CTNNA2: variants seen among roughly 807,000 people sequenced by gnomAD.
CTNNA2 encodes catenin alpha 2.
In CTNNA2, 42 loss-of-function variants were observed where a neutral mutation model predicts 101.0. The observed-to-expected ratio is 0.42, with a 90% confidence interval of 0.32 to 0.54. The LOEUF (loss-of-function observed/expected upper bound fraction) is 0.54, where lower values mean the gene tolerates loss of function less well. Among genes scored for constraint, CTNNA2 ranks in the 20% least tolerant of loss-of-function variants. The probability of loss-of-function intolerance (pLI) is 0.14; values close to 1 mark genes in which losing one functional copy is unlikely to be tolerated. For synonymous variants in CTNNA2, 450 were observed against 456.4 expected, an observed-to-expected ratio of 0.99 and a Z score of 0.18; for missense variants, 871 against 1,223.1, an observed-to-expected ratio of 0.71 and a Z score of 4.29.
intron 4 of CTNNA2, among the ~76,000 whole-genome samples, chr2:79,443,679 T>G (rs1450654005): frequency 2.6e-5 from 4 of 152,074 alleles, no homozygotes; most frequent in Non-Finnish European, 5.9e-5. Context: ...ACAGTTATTT[T>G]CAGACTTATA....
At chr2:79,503,009 G>C (rs940603859) in intron 4 of CTNNA2, among the ~76,000 whole-genome samples, 1 of 152,162 alleles carries the variant, frequency 6.6e-6, no homozygotes, top group Admixed American at 6.5e-5. Context: ...CATCCTTGCT[G>C]TGTGCAGGCA....
intron 2 of CTNNA2, among the ~76,000 whole-genome samples, chr2:79,699,911 T>A (rs1422558201): frequency 6.7e-6 from 1 of 148,286 alleles, no homozygotes; most frequent in Non-Finnish European, 1.5e-5. Context: ...TATACCTATG[T>A]GTGTATATAT....
intron 14 of CTNNA2, among the ~76,000 whole-genome samples, chr2:80,585,148 G>A (rs1431327834): frequency 6.6e-6 from 1 of 152,080 alleles, no homozygotes; most frequent in Non-Finnish European, 1.5e-5. Flanking sequence ...TCAGTTTGGG[G>A]ACCCATAGAC....
chr2:80,644,455 G>A (rs970942788), intron 18 of CTNNA2, among the ~76,000 whole-genome samples: 5 of 152,104 alleles, frequency 3.3e-5, no homozygotes, highest in African/African-American at 1.2e-4. Context: ...AAAAACTGTT[G>A]CCATGCAGCT....
intron 1 of CTNNA2, among the ~76,000 whole-genome samples, chr2:79,646,136 A>G (rs1326015032): frequency 6.6e-6 from 1 of 152,238 alleles, no homozygotes; most frequent in Non-Finnish European, 1.5e-5. Context: ...TAATTTAGAA[A>G]GGTGAGGCAG....
intron 14 of CTNNA2, 28 bp from the exon 15 acceptor site, chr2:80,589,276 A>T (rs912177424): frequency 6.2e-7 from 1 of 1,610,652 alleles, no homozygotes; most frequent in African/African-American, 1.3e-5. Context: ...TGTCACCGTC[A>T]CTCACGCTTT....
At chr2:80,053,937 C>T (rs1254095498) in intron 7 of CTNNA2, among the ~76,000 whole-genome samples, 1 of 152,170 alleles carries the variant, frequency 6.6e-6, no homozygotes, top group African/African-American at 2.4e-5. Flanking sequence ...GAATTGTAAT[C>T]AGTATCAATA....
At chr2:80,096,627 T>G (rs934970497) in intron 7 of CTNNA2, among the ~76,000 whole-genome samples, 16 of 152,260 alleles carry the variant, frequency 1.1e-4, no homozygotes, top group South Asian at 2.1e-4. Flanking sequence ...CCCATTATTA[T>G]TGTGTGGGAG....
intron 4 of CTNNA2, among the ~76,000 whole-genome samples, chr2:79,494,234 C>G (rs1398706760): frequency 6.6e-6 from 1 of 150,688 alleles, no homozygotes; most frequent in African/African-American, 2.4e-5. Context: ...CCAAACTTAT[C>G]TGCAGATTCA....
At chr2:80,190,419 C>T (rs1000457188) in intron 7 of CTNNA2, among the ~76,000 whole-genome samples, 1 of 152,156 alleles carries the variant, frequency 6.6e-6, no homozygotes, top group Non-Finnish European at 1.5e-5. Context: ...TCAGTTAACA[C>T]TTTCCCCGTA....
At chr2:79,881,894 CAT>C (rs1398461633) in intron 6 of CTNNA2, among the ~76,000 whole-genome samples, 1 of 149,694 alleles carries the variant, frequency 6.7e-6, no homozygotes, top group Non-Finnish European at 1.5e-5. Flanking sequence ...ACAGTTTCTT[CAT>C]AGAGTCGTTG....
At chr2:79,628,508 G>A (rs570386908) in intron 1 of CTNNA2, among the ~76,000 whole-genome samples, 246 of 151,872 alleles carry the variant, frequency 1.6e-3, no homozygotes, top group African/African-American at 5.4e-3. Flanking sequence ...GTAGAACAAC[G>A]AAATTTTTTC....
chr2:79,730,254 T>C (rs1430725284), intron 2 of CTNNA2, among the ~76,000 whole-genome samples: 1 of 152,108 alleles, frequency 6.6e-6, no homozygotes, highest in Non-Finnish European at 1.5e-5. Flanking sequence ...ACATGTGCTA[T>C]ATGTGTAATG....
chr2:79,552,994 G>A (rs1355278502), intron 1 of CTNNA2, among the ~76,000 whole-genome samples: 6 of 152,174 alleles, frequency 3.9e-5, no homozygotes, highest in Non-Finnish European at 8.8e-5. Context: ...TCTGCAGCTG[G>A]CTTGAATTCC....
chr2:79,673,660 A>T (rs1682995710), intron 2 of CTNNA2, among the ~76,000 whole-genome samples: 1 of 152,148 alleles, frequency 6.6e-6, no homozygotes. Context: ...TTTTCAAAAA[A>T]CACTCTTGTT....
At chr2:79,697,627 A>G (rs1407979645) in intron 2 of CTNNA2, among the ~76,000 whole-genome samples, 4 of 152,078 alleles carry the variant, frequency 2.6e-5, no homozygotes, top group Admixed American at 6.6e-5. Context: ...GAGGCCAGGT[A>G]TAGCCTCATT....
intron 2 of CTNNA2, among the ~76,000 whole-genome samples, chr2:79,684,796 T>C (rs1325532869): frequency 6.6e-6 from 1 of 152,208 alleles, no homozygotes; most frequent in African/African-American, 2.4e-5. Flanking sequence ...CTTTTCTTTA[T>C]TTATGTCTGT....
intron 7 of CTNNA2, among the ~76,000 whole-genome samples, chr2:80,042,545 A>C (rs147016845): frequency 1.7e-3 from 260 of 152,146 alleles, no homozygotes; most frequent in African/African-American, 5.9e-3. Flanking sequence ...TGGATGGCAA[A>C]TCTTCATCTA....
chr2:80,188,918 C>T (rs1443365171), intron 7 of CTNNA2, among the ~76,000 whole-genome samples: 1 of 149,794 alleles, frequency 6.7e-6, no homozygotes. Context: ...CTCTTTCCAA[C>T]CTACTGTGTC....
Sources: gnomAD v4.1 joint callset for allele counts (sites outside exome capture counted in the v4.1 genomes callset) on GRCh38, gnomAD v4.1.1 for gene constraint, MANE v1.5 for transcripts, NCBI Gene and HGNC (gene_info 2026-07-23, HGNC 2026-07-21) for gene names.